Variants in IFTAP observed in about 807,000 individuals in gnomAD.
IFTAP encodes the protein intraflagellar transport associated protein.
A neutral mutation model predicts 19.4 loss-of-function variants in IFTAP; 19 were observed. The observed-to-expected ratio is 0.98, with a 90% CI of 0.68 to 1.44. IFTAP has a LOEUF of 1.44. Among genes scored for constraint, IFTAP ranks in the 40% most tolerant of loss-of-function variants. The pLI is 0.00. For synonymous variants in IFTAP, 85 were observed against 83.5 expected (o/e 1.02, Z -0.10); for missense variants, 240 against 253.6 (o/e 0.95, Z 0.36).
chr11:36,627,909 T>A (rs1358216866), intron 2 of IFTAP, among the ~76,000 whole-genome samples: 1 of 151,416 alleles, frequency 6.6e-6, no homozygotes, highest in Non-Finnish European at 1.5e-5. Flanking sequence ...AGTGGAAAGA[T>A]AACGTGATGA....
At chr11:36,632,805 T>A (rs1852777182) in intron 2 of IFTAP, among the ~76,000 whole-genome samples, 1 of 151,320 alleles carries the variant, frequency 6.6e-6, no homozygotes, top group Admixed American at 6.6e-5. Context: ...TAGAAGTGCA[T>A]GGATACGTAA....
chr11:36,609,533 A>G (rs1851801680), intron 1 of IFTAP, among the ~76,000 whole-genome samples: 1 of 151,934 alleles, frequency 6.6e-6, no homozygotes, highest in Non-Finnish European at 1.5e-5. Context: ...GAAGGGGGGG[A>G]GTGGAGTCAC....
Position 36,636,114 on chromosome 11 carries a change from G to T in IFTAP, c.355G>T (p.Glu119Ter). Residue 119 changes from glutamate (E) to a stop codon, truncating the protein, a stop_gained, in exon 4 of 6, where the codon GAG becomes TAG. Coordinates refer to ENST00000334307, the MANE Select transcript of IFTAP (RefSeq NM_138787.4). LOFTEE classifies it high-confidence loss of function. Reference protein sequence around the residue: ...MDEEIKPQMSEDLLLLPGEVE... With the variant: ...MDEEIKPQMS Reference sequence around the variant, plus strand: ...TGAAGAGATTAAACCCCAAATGAGTGAGGGTATGCTTTCTATTTCCTTTCT... The same window carrying T: ...TGAAGAGATTAAACCCCAAATGAGTTAGGGTATGCTTTCTATTTCCTTTCT... 2 of 1,606,250 alleles carry T rather than the reference G, an allele frequency of 1.2e-6. No homozygotes were observed. Among genetic ancestry groups the T allele is most frequent in the Non-Finnish European group, 1.7e-6 (2 of 1,173,202 alleles).
intron 2 of IFTAP, among the ~76,000 whole-genome samples, chr11:36,618,409 C>T (rs1332186059): frequency 6.6e-6 from 1 of 151,898 alleles, no homozygotes; most frequent in Non-Finnish European, 1.5e-5. Flanking sequence ...ATAATATATG[C>T]CAACAGGAAT....
intron 2 of IFTAP, among the ~76,000 whole-genome samples, chr11:36,630,835 A>G (rs1852698285): frequency 6.6e-6 from 1 of 151,382 alleles, no homozygotes; most frequent in Non-Finnish European, 1.5e-5. Context: ...ACCTTTTATT[A>G]GAATAGAGCA....
intron 5 of IFTAP, among the ~76,000 whole-genome samples, chr11:36,655,276 T>A (rs978541740): frequency 6.6e-6 from 1 of 152,140 alleles, no homozygotes; most frequent in Admixed American, 6.6e-5. Flanking sequence ...AGCTCTCCTT[T>A]GTCAACTTGT....
At chr11:36,632,548 T>G (rs1271737773) in intron 2 of IFTAP, among the ~76,000 whole-genome samples, 1 of 151,340 alleles carries the variant, frequency 6.6e-6, no homozygotes, top group Non-Finnish European at 1.5e-5. Flanking sequence ...TCTCTTAATT[T>G]AGGATTACTC....
In IFTAP at chr11:36,648,143, A is replaced by G; in HGVS notation, c.486A>G (p.Lys162=). Residue 162 remains lysine, a synonymous_variant, in exon 5 of 6, where the codon AAA becomes AAG. Coordinates refer to ENST00000334307, the MANE Select transcript of IFTAP (RefSeq NM_138787.4). ...AGCCCAGTGTTAAAAGAATGGACAA[A>G]CAGACGGAAGAGGTACTCCACAGGG... ...KPKPSVKRMD[K]QTEEILGDEV... The G allele has an allele frequency of 6.2e-7, 1 of 1,612,916 alleles. No homozygotes were observed. Among genetic ancestry groups the G allele is most frequent in the Non-Finnish European group, 8.5e-7 (1 of 1,179,322 alleles).
At chr11:36,613,126 T>C (rs1224836523) in intron 2 of IFTAP, among the ~76,000 whole-genome samples, 2 of 152,090 alleles carry the variant, frequency 1.3e-5, no homozygotes, top group East Asian at 1.9e-4. Context: ...TAAATCAAAT[T>C]CTAAGATATG....
intron 1 of IFTAP, among the ~76,000 whole-genome samples, chr11:36,608,269 A>AAGTAT: frequency 6.6e-6 from 1 of 152,346 alleles, no homozygotes. Flanking sequence ...GTCAGGAGAT[A>AAGTAT]CTTAAAGGTT....
intron 1 of IFTAP, among the ~76,000 whole-genome samples, chr11:36,596,222 G>GTTTTTTTTTTTTTTTTTT (rs67282079): frequency 4.2e-5 from 5 of 118,364 alleles, no homozygotes; most frequent in African/African-American, 1.2e-4. Context: ...TTTTTTTTTT[G>GTTTTTTTTTTTTTTTTTT]TTTTTTTTTT....
intron 1 of IFTAP, among the ~76,000 whole-genome samples, chr11:36,608,517 T>C (rs1255988943): frequency 6.6e-6 from 1 of 152,212 alleles, no homozygotes; most frequent in African/African-American, 2.4e-5. Flanking sequence ...TTCTCAAAGC[T>C]ATGTAAGAAG....
At chr11:36,658,284 C>T (rs1394148502) in intron 5 of IFTAP, among the ~76,000 whole-genome samples, 3 of 151,910 alleles carry the variant, frequency 2.0e-5, no homozygotes, top group Non-Finnish European at 4.4e-5. Flanking sequence ...TTTTAGGGGG[C>T]GATACAAGAG....
At chr11:36,602,303 C>T (rs1162637150) in intron 1 of IFTAP, among the ~76,000 whole-genome samples, 1 of 152,170 alleles carries the variant, frequency 6.6e-6, no homozygotes, top group African/African-American at 2.4e-5. Flanking sequence ...CTGCTCCTAA[C>T]CAGCTGTGTG....
At chr11:36,627,140 C>A (rs1260354721) in intron 2 of IFTAP, among the ~76,000 whole-genome samples, 1 of 151,114 alleles carries the variant, frequency 6.6e-6, no homozygotes, top group African/African-American at 2.5e-5. Context: ...GAGATAAATA[C>A]ATAGCAACAA....
In IFTAP at chr11:36,633,290, A is replaced by G. The variant is rs149036446; in HGVS notation, c.143A>G (p.His48Arg). ...GCATAACTTCTTATTTCAGAGGATCATGTGTCCAAAAGGGGAGTGTTTGGA... is the reference window on the plus strand; with the variant it reads ...GCATAACTTCTTATTTCAGAGGATCGTGTGTCCAAAAGGGGAGTGTTTGGA... ...NTFTHLSQED[H>R]VSKRGVFGTD... The change falls in exon 3 of 6, where the codon CAT (histidine) becomes CGT (arginine). Residue 48 changes from histidine to arginine, a missense_variant. Physicochemically the swap from His to Arg is conservative, Grantham distance 29 (BLOSUM62 0). Transcript: ENST00000334307. 7.8e-5 allele frequency: 120 copies of G among 1,543,004 alleles called. No homozygotes were observed. In the Middle Eastern group the frequency reaches 2.5e-3, roughly 32 times the overall value.
Position 36,611,355 on chromosome 11 carries a change from CTA to C in IFTAP, c.136+1117_136+1118del, listed in dbSNP as rs1851869519. Among the ~76,000 whole-genome samples the C allele has an allele frequency of 3.9e-5, 6 of 152,132 alleles. 1 individual carries two copies. The South Asian group carries it at 1.2e-3, about 32-fold the overall frequency. On this transcript the variant is annotated intron_variant, in intron 2 of 5. Coordinates refer to ENST00000334307, the MANE Select transcript of IFTAP (RefSeq NM_138787.4). Reference sequence around the variant, plus strand: ...GAATGTATTGACATCAGAGCCCACTCTAAAGCTCAGCTAGGATCAAGGGATTC... The same window carrying C: ...GAATGTATTGACATCAGAGCCCACTCAAGCTCAGCTAGGATCAAGGGATTC...
In IFTAP at chr11:36,636,072, G is replaced by C. The variant is rs763411856; in HGVS notation, c.313G>C (p.Glu105Gln). 6.2e-7 allele frequency: 1 copy of C among 1,608,538 alleles called. No homozygotes were observed. The highest frequency in any genetic ancestry group is 8.5e-7 in the Non-Finnish European group (1 of 1,175,212). The change falls in exon 4 of 6, where the codon GAA becomes CAA. Residue 105 changes from glutamate (E) to glutamine (Q), a missense_variant. By Grantham distance (29) the Glu-to-Gln change is conservative (BLOSUM62 2). Coordinates refer to ENST00000334307, the MANE Select transcript of IFTAP (RefSeq NM_138787.4). ...EEQVDNFLDL[E>Q]DLDMDEEIKP... ...CTAGGTAGATAATTTCCTAGATTTA[G>C]AAGATTTGGACATGGATGAAGAGAT...
chr11:36,613,189 T>C (rs1378564542), intron 2 of IFTAP, among the ~76,000 whole-genome samples: 1 of 152,096 alleles, frequency 6.6e-6, no homozygotes, highest in Non-Finnish European at 1.5e-5. Context: ...GACATTGTTA[T>C]GTTGTTGACA....
Sources: gnomAD v4.1 joint callset for allele counts (sites outside exome capture counted in the v4.1 genomes callset) on GRCh38, gnomAD v4.1.1 for gene constraint, MANE v1.5 for transcripts, NCBI Gene and HGNC (gene_info 2026-07-23, HGNC 2026-07-21) for gene names.